Variants in PREP observed in about 807,000 individuals in gnomAD.
The protein encoded by PREP is prolyl endopeptidase, also known as dJ355L5.1 (prolyl endopeptidase).
Under a neutral mutation model 87.6 loss-of-function variants are expected in PREP, and 29 were observed. That is an observed-to-expected ratio of 0.33 (90% confidence interval 0.25 to 0.45). PREP has a LOEUF of 0.45. Among genes scored for constraint, PREP ranks in the 20% least tolerant of loss-of-function variants. PREP has a pLI of 1.00. For synonymous variants in PREP, 337 were observed against 328.6 expected (o/e 1.03, Z -0.28); for missense variants, 695 against 886.5 (o/e 0.78, Z 2.74).
intron 7 of PREP, among the ~76,000 whole-genome samples, chr6:105,346,607 C>T (rs1771804612): frequency 6.6e-6 from 1 of 152,222 alleles, no homozygotes; most frequent in Non-Finnish European, 1.5e-5. Context: ...TAGAAATCAG[C>T]ATGTCACCAC....
At chr6:105,400,968 C>CAA (rs35828822) in intron 1 of PREP, among the ~76,000 whole-genome samples, 6 of 150,130 alleles carry the variant, frequency 4.0e-5, no homozygotes, top group Non-Finnish European at 7.4e-5. Context: ...AACCTTAATG[C>CAA]AAAAAAAAAG....
chr6:105,380,043 G>A (rs556449031), intron 2 of PREP, among the ~76,000 whole-genome samples: 2 of 152,304 alleles, frequency 1.3e-5, no homozygotes, highest in Middle Eastern at 3.4e-3. Flanking sequence ...CATTACTATG[G>A]CATCTTCATT....
At position 105,281,767 on chromosome 6, in the gene PREP, T is replaced by C. The variant is rs1202235868; in HGVS notation, c.1817A>G (p.Gln606Arg). 1 of 1,613,764 alleles carries C rather than the reference T, an allele frequency of 6.2e-7. No homozygotes were observed. The highest frequency in any genetic ancestry group is 2.2e-5 in the East Asian group (1 of 44,882). The change falls in exon 14 of 15, where the codon CAA (glutamine) becomes CGA (arginine). Residue 606 changes from glutamine (Q) to arginine (R), a missense_variant. This residue lies in a region of PREP where 121 missense variants were observed against 154.8 expected (regional missense o/e 0.78). Transcript: ENST00000652536. ...TTACTTGACAAGCCATTCAAAGTGT[T>C]GTTTGCTGTCCGAGCACCCATAATC... ...TTDYGCSDSK[Q>R]HFEWLVKYSP...
chr6:105,341,379 T>G (rs1011689975), intron 7 of PREP, among the ~76,000 whole-genome samples: 1 of 152,182 alleles, frequency 6.6e-6, no homozygotes, highest in Admixed American at 6.5e-5. Context: ...CTGGGACACA[T>G]TTAAAGCAGT....
chr6:105,361,134 A>G (rs1167549455), intron 6 of PREP, among the ~76,000 whole-genome samples: 6 of 152,204 alleles, frequency 3.9e-5, no homozygotes, highest in African/African-American at 1.2e-4. Context: ...ATATAATGCA[A>G]AGAATACCTG....
At chr6:105,352,857 T>A in intron 7 of PREP, 115 bp downstream of exon 7, 1 of 883,976 alleles carries the variant, frequency 1.1e-6, no homozygotes, top group Non-Finnish European at 1.8e-6. Context: ...TCAGATGAAC[T>A]GACATGATGT....
chr6:105,318,489 T>G (rs1242961992), intron 10 of PREP, among the ~76,000 whole-genome samples: 2 of 152,152 alleles, frequency 1.3e-5, no homozygotes, highest in African/African-American at 2.4e-5. Flanking sequence ...AAAACAGACT[T>G]ATCTTCCAGA....
intron 10 of PREP, among the ~76,000 whole-genome samples, chr6:105,290,781 T>G (rs1770283108): frequency 6.6e-6 from 1 of 152,234 alleles, no homozygotes; most frequent in African/African-American, 2.4e-5. Flanking sequence ...TCCCTGTAGT[T>G]GCAGAAATAT....
chr6:105,338,590 A>C (rs1471855710), intron 7 of PREP, among the ~76,000 whole-genome samples: 1 of 152,214 alleles, frequency 6.6e-6, no homozygotes, highest in Non-Finnish European at 1.5e-5. Flanking sequence ...AGGGCGGGGC[A>C]TCACCTCAAC....
intron 12 of PREP, 102 bp downstream of exon 12, chr6:105,285,384 T>C: frequency 8.5e-7 from 1 of 1,170,898 alleles, no homozygotes; most frequent in South Asian, 1.4e-5. Context: ...GCCAAAAAGC[T>C]TTCCTGCTCC....
intron 2 of PREP, among the ~76,000 whole-genome samples, chr6:105,393,187 A>C (rs1460564090): frequency 1.3e-5 from 2 of 152,238 alleles, no homozygotes; most frequent in Non-Finnish European, 2.9e-5. Context: ...AAAGCTGCTT[A>C]TTACATTTCC....
chr6:105,308,080 A>G (rs929185820), intron 10 of PREP, among the ~76,000 whole-genome samples: 21 of 152,182 alleles, frequency 1.4e-4, no homozygotes, highest in Admixed American at 5.2e-4. Context: ...CATTCAAGAC[A>G]TTACAAGAAA....
chr6:105,361,216 G>A (rs1772240471), intron 6 of PREP, among the ~76,000 whole-genome samples: 1 of 152,094 alleles, frequency 6.6e-6, no homozygotes, highest in African/African-American at 2.4e-5. Flanking sequence ...AGCATTTCAT[G>A]TTTTAAACTC....
intron 6 of PREP, among the ~76,000 whole-genome samples, chr6:105,353,771 CAAAAAAAAAAA>C (rs397824826): frequency 1.4e-5 from 1 of 71,054 alleles, no homozygotes; most frequent in Non-Finnish European, 3.2e-5. Flanking sequence ...GACTCCATCT[CAAAAAAAAAAA>C]AAAAAAAAGA....
At chr6:105,389,736 G>A (rs1425244506) in intron 2 of PREP, among the ~76,000 whole-genome samples, 1 of 152,130 alleles carries the variant, frequency 6.6e-6, no homozygotes, top group African/African-American at 2.4e-5. Flanking sequence ...GCCTAGCTCA[G>A]CACCAGTTCT....
chr6:105,388,463 G>C (rs750298324), intron 2 of PREP, among the ~76,000 whole-genome samples: 1 of 129,024 alleles, frequency 7.8e-6, no homozygotes. Flanking sequence ...CCGTATTACA[G>C]AAAGCAAGAG....
At chr6:105,359,522 C>T (rs1291998778) in intron 6 of PREP, among the ~76,000 whole-genome samples, 1 of 152,172 alleles carries the variant, frequency 6.6e-6, no homozygotes, top group Non-Finnish European at 1.5e-5. Context: ...AACATATATT[C>T]AAGTACGTAC....
intron 2 of PREP, among the ~76,000 whole-genome samples, chr6:105,387,730 C>T (rs1773039771): frequency 6.6e-6 from 1 of 152,134 alleles, no homozygotes; most frequent in Admixed American, 6.5e-5. Flanking sequence ...CATTCAAAGC[C>T]ATCCTGGGCC....
At chr6:105,377,316 T>C (rs1772709709) in intron 3 of PREP, 70 bp downstream of exon 3, 4 of 1,476,564 alleles carry the variant, frequency 2.7e-6, no homozygotes, top group Non-Finnish European at 3.7e-6. Context: ...TTATCTGGAA[T>C]TTGTATTTTA....
Sources: gnomAD v4.1 joint callset for allele counts (sites outside exome capture counted in the v4.1 genomes callset) on GRCh38, gnomAD v4.1.1 for gene constraint, gnomAD v4.1.1 regional missense constraint, MANE v1.5 for transcripts, NCBI Gene and HGNC (gene_info 2026-07-23, HGNC 2026-07-21) for gene names.